Variants in ADAMTS19 observed in about 807,000 individuals in gnomAD.
ADAMTS19 encodes A disintegrin and metalloproteinase with thrombospondin motifs 19.
Under a neutral mutation model 153.3 loss-of-function variants are expected in ADAMTS19, and 93 were observed. The observed-to-expected ratio is 0.61, with a 90% CI of 0.51 to 0.72. The LOEUF (loss-of-function observed/expected upper bound fraction) is 0.72, where lower values mean the gene tolerates loss of function less well. ADAMTS19 is among the 30% of genes least tolerant of loss of function. The pLI is 0.00. For missense variants in ADAMTS19, 1,482 were observed against 1,552.1 expected (o/e 0.95, Z 0.76); for synonymous variants, 600 against 556.6 (o/e 1.08, Z -1.10).
At chr5:129,564,256 A>G (rs950478689) in intron 7 of ADAMTS19, among the ~76,000 whole-genome samples, 3 of 152,182 alleles carry the variant, frequency 2.0e-5, no homozygotes, top group Non-Finnish European at 4.4e-5. Context: ...TGAGACCTTA[A>G]GCAGAGAACC....
At position 129,460,489 on chromosome 5, in the gene ADAMTS19, T is replaced by C. The variant is rs1400926486; in HGVS notation, c.91+7T>C. 6.2e-7 allele frequency: 1 copy of C among 1,614,072 alleles called. No homozygotes were observed. The highest frequency in any genetic ancestry group is 1.3e-5 in the African/African-American group (1 of 75,058). ...TCGAATGGGATCGTTTCAGGTAAGT[T>C]CTTCCGTGACTTTCTCGCTTCCTTT... On this transcript the variant is annotated splice_region_variant and intron_variant, in intron 1 of 22. Coordinates refer to ENST00000274487, the MANE Select transcript of ADAMTS19 (RefSeq NM_133638.6).
chr5:129,695,593 G>T (rs73233658), intron 19 of ADAMTS19, among the ~76,000 whole-genome samples: 2,724 of 152,264 alleles, frequency 0.018, 70 homozygotes, highest in African/African-American at 0.052. Flanking sequence ...TAGCAACGAG[G>T]CTACTTGGCA....
At chr5:129,474,268 TC>T (rs1264485299) in intron 2 of ADAMTS19, among the ~76,000 whole-genome samples, 2 of 152,166 alleles carry the variant, frequency 1.3e-5, no homozygotes, top group African/African-American at 4.8e-5. Flanking sequence ...ATTTCCACTG[TC>T]CTGAAATACC....
intron 7 of ADAMTS19, among the ~76,000 whole-genome samples, chr5:129,561,373 C>CA (rs1194871966): frequency 6.6e-6 from 1 of 151,880 alleles, no homozygotes; most frequent in Non-Finnish European, 1.5e-5. Flanking sequence ...ACTAAAAATA[C>CA]AAAAAATTAG....
rs17165212 is a variant in ADAMTS19, at chr5:129,624,352, T to G, written c.1770+2004T>G. The stretch of plus-strand genomic sequence containing the variant: ...CTAACCTCCACTCTGCTTTCACCTC[T>G]GAGTCTTTAGACAATCAAAAGTCTG... On this transcript the variant is annotated intron_variant, in intron 10 of 22. Coordinates refer to ENST00000274487, the MANE Select transcript of ADAMTS19 (RefSeq NM_133638.6). Among the ~76,000 whole-genome samples, 569 of 152,240 alleles carry G rather than the reference T, an allele frequency of 3.7e-3. 4 individuals are homozygous for G. The highest frequency in any genetic ancestry group is 0.013 in the African/African-American group (545 of 41,544).
chr5:129,461,125 G>T lies in ADAMTS19; in HGVS notation c.115G>T (p.Glu39Ter), dbSNP rs935944681. The change falls in exon 2 of 23, where the codon GAG becomes TAG. Residue 39 changes from glutamate to a stop codon, truncating the protein, a stop_gained. Transcript: ENST00000274487. LOFTEE classifies it high-confidence loss of function. The surrounding 1 kb of genome is among the most constrained non-coding windows in gnomAD (Gnocchi z 4.6). ...VSELQFAPDR[E>*]EWEVVFPALW... Reference sequence around the variant, plus strand: ...AGAGCTGCAGTTCGCCCCCGACCGCGAGGAGTGGGAAGTCGTGTTTCCTGC... The same window carrying T: ...AGAGCTGCAGTTCGCCCCCGACCGCTAGGAGTGGGAAGTCGTGTTTCCTGC... 3 of 1,421,090 alleles carry T rather than the reference G, an allele frequency of 2.1e-6. No individual in the cohort carries two copies. The highest frequency in any genetic ancestry group is 2.8e-6 in the Non-Finnish European group (3 of 1,085,718). 88.0% of individuals were successfully genotyped at this position (1,421,090 alleles called of 1,614,324 possible).
intron 5 of ADAMTS19, 80 bp from the exon 6 acceptor site, chr5:129,528,440 C>A (rs1581042086): frequency 8.4e-7 from 1 of 1,191,030 alleles, no homozygotes; most frequent in East Asian, 2.8e-5. Flanking sequence ...TCAAGAGTGC[C>A]TTTGTTATTG....
chr5:129,706,473 G>A (rs1756156839), intron 21 of ADAMTS19, among the ~76,000 whole-genome samples: 1 of 151,754 alleles, frequency 6.6e-6, no homozygotes, highest in Non-Finnish European at 1.5e-5. Context: ...GGAGACTGAG[G>A]CAGGAGAATT....
At chr5:129,615,596 T>C (rs1267222946) in intron 8 of ADAMTS19, among the ~76,000 whole-genome samples, 1 of 151,936 alleles carries the variant, frequency 6.6e-6, no homozygotes, top group Non-Finnish European at 1.5e-5. Context: ...AAATGAAAAG[T>C]TTTTGCATAG....
intron 7 of ADAMTS19, among the ~76,000 whole-genome samples, chr5:129,577,597 G>A (rs1190132550): frequency 2.0e-5 from 3 of 152,110 alleles, no homozygotes; most frequent in Non-Finnish European, 4.4e-5. Context: ...AGGAAAGAAT[G>A]TTCCAGGCAA....
intron 2 of ADAMTS19, among the ~76,000 whole-genome samples, chr5:129,498,110 C>T (rs926422191): frequency 2.6e-5 from 4 of 152,050 alleles, no homozygotes; most frequent in Non-Finnish European, 5.9e-5. Context: ...GCCTCAGTCT[C>T]CACACCACCT....
At chr5:129,602,067 A>G (rs1055780112) in intron 8 of ADAMTS19, among the ~76,000 whole-genome samples, 5 of 152,236 alleles carry the variant, frequency 3.3e-5, no homozygotes, top group African/African-American at 1.2e-4. Flanking sequence ...CAAACTTGTG[A>G]ACTCTTTACT....
chr5:129,683,093 T>A (rs1487061686), intron 17 of ADAMTS19, among the ~76,000 whole-genome samples: 1 of 152,084 alleles, frequency 6.6e-6, no homozygotes, highest in Non-Finnish European at 1.5e-5. Flanking sequence ...TATCATATTA[T>A]ATTATATAGA....
At chr5:129,581,881 AGGTTGT>A (rs2126887188) in intron 7 of ADAMTS19, among the ~76,000 whole-genome samples, 2 of 152,228 alleles carry the variant, frequency 1.3e-5, no homozygotes, top group East Asian at 3.9e-4. Context: ...ATTCAGGAAC[AGGTTGT>A]TCAGTTTCCA....
intron 21 of ADAMTS19, among the ~76,000 whole-genome samples, chr5:129,724,595 G>T (rs940210350): frequency 3.3e-5 from 5 of 152,128 alleles, no homozygotes; most frequent in Non-Finnish European, 5.9e-5. Context: ...CATGCCAGGG[G>T]CAGACACACA....
chr5:129,620,317 T>C (rs1024482007), intron 8 of ADAMTS19, among the ~76,000 whole-genome samples: 1 of 152,064 alleles, frequency 6.6e-6, no homozygotes, highest in Non-Finnish European at 1.5e-5. Context: ...TCATACATAC[T>C]ATTATGCAAA....
intron 18 of ADAMTS19, among the ~76,000 whole-genome samples, chr5:129,687,195 A>C (rs973972241): frequency 6.6e-6 from 1 of 152,180 alleles, no homozygotes; most frequent in South Asian, 2.1e-4. Context: ...CATATCTGCA[A>C]TCCTACCAAC....
At chr5:129,488,544 GT>G (rs1343784407) in intron 2 of ADAMTS19, among the ~76,000 whole-genome samples, 1 of 152,002 alleles carries the variant, frequency 6.6e-6, no homozygotes, top group Non-Finnish European at 1.5e-5. Context: ...TAAAGATCAG[GT>G]TTTTAATGTT....
Position 129,737,222 on chromosome 5 carries a change from C to T in ADAMTS19, c.*4C>T. Reference sequence around the variant, plus strand: ...AAAGCTGCAGCAGAAGAGTTGACCTCTAGCAGGCTGGCTGGATCACAGCTC... The same window carrying T: ...AAAGCTGCAGCAGAAGAGTTGACCTTTAGCAGGCTGGCTGGATCACAGCTC... On this transcript the variant is annotated 3_prime_UTR_variant, in exon 23 of 23. Coordinates refer to ENST00000274487, the MANE Select transcript of ADAMTS19 (RefSeq NM_133638.6). 1 of 1,591,780 alleles carries T rather than the reference C, an allele frequency of 6.3e-7. No homozygotes were observed.
Sources: gnomAD v4.1 joint callset for allele counts (sites outside exome capture counted in the v4.1 genomes callset) on GRCh38, gnomAD v4.1.1 for gene constraint, Gnocchi (gnomAD v3.1) non-coding constraint, MANE v1.5 for transcripts, NCBI Gene and HGNC (gene_info 2026-07-23, HGNC 2026-07-21) for gene names.